Variants in ARHGAP26 observed in about 807,000 individuals in gnomAD.
ARHGAP26 encodes the protein Rho GTPase activating protein 26.
A neutral mutation model predicts 104.8 loss-of-function variants in ARHGAP26; 38 were observed. The observed-to-expected ratio is 0.36, with a 90% confidence interval of 0.28 to 0.48. The LOEUF (loss-of-function observed/expected upper bound fraction) is 0.48, where lower values mean the gene tolerates loss of function less well. Among genes scored for constraint, ARHGAP26 ranks in the 20% least tolerant of loss-of-function variants. The pLI is 0.99. For missense variants in ARHGAP26, 704 were observed against 947.9 expected (o/e 0.74, Z 3.38); for synonymous variants, 341 against 340.0 (o/e 1.00, Z -0.03).
intron 10 of ARHGAP26, among the ~76,000 whole-genome samples, chr5:142,926,530 A>C (rs192002482): frequency 2.8e-4 from 43 of 152,276 alleles, no homozygotes; most frequent in African/African-American, 9.6e-4. Flanking sequence ...AGAATTTGCC[A>C]AAGACCCCTT....
chr5:143,012,875 C>T (rs1413931517), intron 11 of ARHGAP26, among the ~76,000 whole-genome samples: 7 of 151,710 alleles, frequency 4.6e-5, no homozygotes, highest in Non-Finnish European at 1.0e-4. Flanking sequence ...AGGATGGTCT[C>T]GATCTCCTGA....
intron 19 of ARHGAP26, among the ~76,000 whole-genome samples, chr5:143,136,913 A>G (rs1797979838): frequency 6.6e-6 from 1 of 152,248 alleles, no homozygotes; most frequent in Admixed American, 6.5e-5. Flanking sequence ...TCCATATAAC[A>G]GTGATTTCAG....
chr5:142,849,437 C>T (rs977128487), intron 1 of ARHGAP26, among the ~76,000 whole-genome samples: 13 of 152,192 alleles, frequency 8.5e-5, no homozygotes, highest in Admixed American at 7.9e-4. Context: ...AAACAGCCGC[C>T]GTGAGATTTT....
chr5:143,070,541 A>G (rs1208643237), intron 17 of ARHGAP26, among the ~76,000 whole-genome samples: 2 of 152,250 alleles, frequency 1.3e-5, no homozygotes, highest in Non-Finnish European at 2.9e-5. Context: ...ATGCTCATGG[A>G]TCAGAAAAAT....
At chr5:142,907,999 C>T (rs1761345836) in intron 9 of ARHGAP26, among the ~76,000 whole-genome samples, 195 bp downstream of exon 9, 1 of 152,160 alleles carries the variant, frequency 6.6e-6, no homozygotes, top group Non-Finnish European at 1.5e-5. Flanking sequence ...GATGATTACT[C>T]TTAGCTCTAA....
chr5:142,793,605 C>T (rs1477260434), intron 1 of ARHGAP26, among the ~76,000 whole-genome samples: 33 of 151,296 alleles, frequency 2.2e-4, no homozygotes, highest in Admixed American at 2.0e-3. Flanking sequence ...TTCTTTTTTT[C>T]GAGACAGAGT....
intron 11 of ARHGAP26, among the ~76,000 whole-genome samples, chr5:142,989,343 G>C (rs1342738578): frequency 6.6e-6 from 1 of 152,038 alleles, no homozygotes; most frequent in Admixed American, 6.5e-5. Context: ...CCATTTGCTT[G>C]GTAGATCTTC....
intron 18 of ARHGAP26, among the ~76,000 whole-genome samples, chr5:143,126,949 G>T (rs1796798957): frequency 6.6e-6 from 1 of 152,124 alleles, no homozygotes; most frequent in South Asian, 2.1e-4. Context: ...TAAGGTTATG[G>T]TTAAAGCAAC....
At chr5:143,185,820 G>C (rs146913669) in intron 20 of ARHGAP26, among the ~76,000 whole-genome samples, 1 of 152,116 alleles carries the variant, frequency 6.6e-6, no homozygotes, top group African/African-American at 2.4e-5. Context: ...CAAGGCTGGC[G>C]AGCAGAGGAG....
chr5:143,147,199 T>C (rs770080087), intron 19 of ARHGAP26, 32 bp from the exon 20 acceptor site: 4 of 1,608,246 alleles, frequency 2.5e-6, no homozygotes, highest in Admixed American at 1.7e-5. Flanking sequence ...TGCAATAATA[T>C]TAATATGGGA....
chr5:142,847,379 C>T (rs1429858246), intron 1 of ARHGAP26, among the ~76,000 whole-genome samples: 20 of 150,858 alleles, frequency 1.3e-4, no homozygotes, highest in Admixed American at 2.0e-4. Flanking sequence ...TTTTTTGAGA[C>T]GGAGTTTTGC....
intron 11 of ARHGAP26, among the ~76,000 whole-genome samples, chr5:142,982,677 C>T (rs562542793): frequency 4.6e-5 from 7 of 152,308 alleles, no homozygotes; most frequent in Admixed American, 2.0e-4. Context: ...TACCTTTCTT[C>T]TTGAGAGGTT....
intron 1 of ARHGAP26, among the ~76,000 whole-genome samples, chr5:142,820,575 A>G (rs1413726515): frequency 6.6e-6 from 1 of 152,188 alleles, no homozygotes; most frequent in African/African-American, 2.4e-5. Flanking sequence ...AGCGGCTACG[A>G]TGGCCTCCAG....
chr5:142,868,274 G>C (rs1754681652), intron 1 of ARHGAP26, among the ~76,000 whole-genome samples: 1 of 152,150 alleles, frequency 6.6e-6, no homozygotes, highest in African/African-American at 2.4e-5. Flanking sequence ...GCATGCCCCG[G>C]GAACTGGCAG....
intron 1 of ARHGAP26, among the ~76,000 whole-genome samples, chr5:142,799,616 G>A (rs910643730): frequency 3.3e-5 from 5 of 152,128 alleles, no homozygotes; most frequent in Non-Finnish European, 7.4e-5. Context: ...AAATTTATTG[G>A]CTCAAAATTC....
chr5:142,797,665 C>T (rs1447777286), intron 1 of ARHGAP26, among the ~76,000 whole-genome samples: 2 of 152,182 alleles, frequency 1.3e-5, no homozygotes, highest in East Asian at 3.8e-4. Context: ...TCACAGCAAC[C>T]CTCGTCTGTG....
chr5:143,102,644 TC>T (rs1793423492), intron 17 of ARHGAP26, among the ~76,000 whole-genome samples: 2 of 152,262 alleles, frequency 1.3e-5, no homozygotes, highest in African/African-American at 4.8e-5. Flanking sequence ...AGACAGAGAC[TC>T]TTTCATTGCA....
intron 19 of ARHGAP26, among the ~76,000 whole-genome samples, chr5:143,138,231 A>T (rs988566139): frequency 6.6e-6 from 1 of 152,174 alleles, no homozygotes; most frequent in Non-Finnish European, 1.5e-5. Flanking sequence ...ATGGTTTCTC[A>T]TGCTCTGTGC....
chr5:142,975,281 T>C (rs539233242), intron 11 of ARHGAP26, among the ~76,000 whole-genome samples: 1 of 152,076 alleles, frequency 6.6e-6, no homozygotes, highest in Non-Finnish European at 1.5e-5. Flanking sequence ...ACTAGAGAAC[T>C]GCGTCTACAG....
Sources: gnomAD v4.1 joint callset for allele counts (sites outside exome capture counted in the v4.1 genomes callset) on GRCh38, gnomAD v4.1.1 for gene constraint, MANE v1.5 for transcripts, NCBI Gene and HGNC (gene_info 2026-07-23, HGNC 2026-07-21) for gene names.